ZMYM2: variants seen among roughly 807,000 people sequenced by gnomAD.
ZMYM2 encodes zinc finger MYM-type containing 2, also known as zinc finger MYM-type protein 2.
A neutral mutation model predicts 162.8 loss-of-function variants in ZMYM2; 56 were observed. The observed-to-expected ratio is 0.34, with a 90% confidence interval of 0.28 to 0.43. The LOEUF (loss-of-function observed/expected upper bound fraction) is 0.43. ZMYM2 is among the 20% of genes least tolerant of loss of function. The probability of loss-of-function intolerance (pLI) is 1.00; values close to 1 mark genes in which losing one functional copy is unlikely to be tolerated. For synonymous variants in ZMYM2, 510 were observed against 541.6 expected (o/e 0.94, Z 0.81); for missense variants, 1,275 against 1,621.8 (o/e 0.79, Z 3.67).
the ZMYM2 span, among the ~76,000 whole-genome samples, chr13:19,882,833 T>C: frequency 6.6e-6 from 1 of 152,148 alleles, no homozygotes. Flanking sequence ...GAGCAACTAC[T>C]GTGGAAAACT....
At chr13:19,974,204 C>T (rs1211691705) in intron 2 of ZMYM2, among the ~76,000 whole-genome samples, 1 of 152,192 alleles carries the variant, frequency 6.6e-6, no homozygotes, top group Non-Finnish European at 1.5e-5. Flanking sequence ...ATTCTCTTCC[C>T]TAGAGGCAAA....
intron 2 of ZMYM2, among the ~76,000 whole-genome samples, chr13:19,972,671 T>A (rs1383825831): frequency 6.6e-6 from 1 of 152,058 alleles, no homozygotes; most frequent in Non-Finnish European, 1.5e-5. Context: ...TTTATGAGTG[T>A]TTTCTATAGG....
intron 14 of ZMYM2, among the ~76,000 whole-genome samples, chr13:20,055,555 G>A (rs1481359825): frequency 6.6e-6 from 1 of 152,152 alleles, no homozygotes; most frequent in Non-Finnish European, 1.5e-5. Context: ...GTCACTAAGA[G>A]CAAGAAAGCT....
the ZMYM2 span, among the ~76,000 whole-genome samples, chr13:19,903,378 G>A: frequency 4.0e-3 from 595 of 149,974 alleles, 7 homozygotes; most frequent in African/African-American, 0.013. Context: ...AGTGGCTCAC[G>A]CCTGTAATTT....
chr13:20,033,111 C>G (rs561690094), intron 10 of ZMYM2, among the ~76,000 whole-genome samples: 11 of 151,970 alleles, frequency 7.2e-5, no homozygotes, highest in African/African-American at 2.4e-4. Context: ...AGAATGAAGG[C>G]CCAGTAAGAG....
At chr13:19,913,505 A>T in the ZMYM2 span, among the ~76,000 whole-genome samples, 1 of 152,166 alleles carries the variant, frequency 6.6e-6, no homozygotes, top group Non-Finnish European at 1.5e-5. Context: ...TGGGCGGATC[A>T]CTTGAGGCCA....
chr13:19,900,523 T>A, the ZMYM2 span, among the ~76,000 whole-genome samples: 1 of 152,178 alleles, frequency 6.6e-6, no homozygotes, highest in Admixed American at 6.6e-5. Flanking sequence ...ATCGAAGAAT[T>A]AACAAATACC....
intron 4 of ZMYM2, among the ~76,000 whole-genome samples, chr13:20,004,490 C>T (rs368403162): frequency 3.0e-4 from 45 of 151,894 alleles, no homozygotes; most frequent in East Asian, 2.3e-3. Context: ...CTCCTGACCT[C>T]GTGATCCACC....
At chr13:20,000,691 C>T (rs1950326685) in intron 3 of ZMYM2, among the ~76,000 whole-genome samples, 1 of 152,228 alleles carries the variant, frequency 6.6e-6, no homozygotes, top group African/African-American at 2.4e-5. Flanking sequence ...CTGCCCAGTA[C>T]ACCTGGTCAT....
intron 6 of ZMYM2, among the ~76,000 whole-genome samples, chr13:20,011,805 G>A (rs1029536903): frequency 2.7e-5 from 4 of 150,412 alleles, no homozygotes; most frequent in South Asian, 2.1e-4. Flanking sequence ...GCTGGAGTGC[G>A]GTGGCACAGT....
the ZMYM2 span, among the ~76,000 whole-genome samples, chr13:19,931,832 C>T: frequency 6.6e-6 from 1 of 152,186 alleles, no homozygotes; most frequent in Non-Finnish European, 1.5e-5. Flanking sequence ...CACTATGTTG[C>T]CCAGGCTGCT....
upstream of ZMYM2, among the ~76,000 whole-genome samples, chr13:19,955,685 G>A (rs1423498972): frequency 2.6e-5 from 4 of 151,996 alleles, no homozygotes; most frequent in South Asian, 4.1e-4. Flanking sequence ...GCAGTGGTGC[G>A]CTCTCGGCTC....
Position 20,028,296 on chromosome 13 carries a change from T to TA in ZMYM2, c.1851+979dup, listed in dbSNP as rs146974716. ...ATTGATACATCCTTACAGTGGTAGA[T>TA]ATTGCTTTTGCCTTGTTGGCTTTTC... On this transcript the variant is annotated intron_variant, in intron 9 of 24. Transcript: ENST00000610343. Among the ~76,000 whole-genome samples the TA allele has an allele frequency of 2.7e-3, 414 of 152,306 alleles. 4 individuals are homozygous for TA. The highest frequency in any genetic ancestry group is 9.2e-3 in the African/African-American group (381 of 41,578).
intron 2 of ZMYM2, among the ~76,000 whole-genome samples, chr13:19,971,178 C>T (rs1253206943): frequency 6.8e-6 from 1 of 147,780 alleles, no homozygotes; most frequent in African/African-American, 2.5e-5. Context: ...TACTGAAAAG[C>T]CACGTAAGAA....
intron 2 of ZMYM2, 60 bp downstream of exon 2, chr13:19,960,086 AGCT>A (rs1955027787): frequency 6.6e-6 from 1 of 152,224 alleles, no homozygotes; most frequent in African/African-American, 2.4e-5. Flanking sequence ...GTAGGGGTTA[AGCT>A]ATGGGACCTG....
At chr13:19,960,563 C>T (rs1053071663) in intron 2 of ZMYM2, among the ~76,000 whole-genome samples, 4 of 152,154 alleles carry the variant, frequency 2.6e-5, no homozygotes, top group South Asian at 2.1e-4. Flanking sequence ...GGAGTCAACT[C>T]CTCTAGTACT....
At chr13:20,051,292 T>C in intron 12 of ZMYM2, 141 bp from the exon 13 acceptor site, 1 of 734,250 alleles carries the variant, frequency 1.4e-6, no homozygotes, top group Non-Finnish European at 2.0e-6. Flanking sequence ...TAGATTTTAC[T>C]GTTTACAAAT....
chr13:20,031,848 G>A (rs1953173488), intron 10 of ZMYM2, among the ~76,000 whole-genome samples: 1 of 146,628 alleles, frequency 6.8e-6, no homozygotes, highest in Non-Finnish European at 1.5e-5. Flanking sequence ...TTTATAAAAT[G>A]ATACAATTCT....
chr13:19,967,757 T>C (rs543281603), intron 2 of ZMYM2, among the ~76,000 whole-genome samples: 9 of 152,284 alleles, frequency 5.9e-5, no homozygotes, highest in African/African-American at 2.2e-4. Context: ...GGACTAAAAA[T>C]AATACAGGGT....
Sources: gnomAD v4.1 joint callset for allele counts (sites outside exome capture counted in the v4.1 genomes callset) on GRCh38, gnomAD v4.1.1 for gene constraint, MANE v1.5 for transcripts, NCBI Gene and HGNC (gene_info 2026-07-23, HGNC 2026-07-21) for gene names.